Variants in TATDN2 observed in about 807,000 individuals in gnomAD.
TATDN2 encodes the protein 3'-5' RNA nuclease TATDN2.
Under a neutral mutation model 60.3 loss-of-function variants are expected in TATDN2, and 44 were observed. The observed-to-expected ratio is 0.73, with a 90% CI of 0.57 to 0.94. The LOEUF (loss-of-function observed/expected upper bound fraction) is 0.94, where lower values mean the gene tolerates loss of function less well. Ranked by LOEUF, TATDN2 falls within the 40% of genes least tolerant of loss-of-function variation. TATDN2 has a pLI of 0.00. For synonymous variants in TATDN2, 399 were observed against 355.8 expected, an observed-to-expected ratio of 1.12 and a Z score of -1.37; for missense variants, 997 against 948.0, an observed-to-expected ratio of 1.05 and a Z score of -0.68.
chr3:10,258,995 G>C (rs754682315), intron 2 of TATDN2, among the ~76,000 whole-genome samples: 1 of 152,032 alleles, frequency 6.6e-6, no homozygotes, highest in Non-Finnish European at 1.5e-5. Context: ...TTAGCCTCCC[G>C]TGTAGCTGGG....
In TATDN2 at chr3:10,270,336, A is replaced by T. The variant is rs942584202; in HGVS notation, c.1154A>T (p.Tyr385Phe). Residue 385 changes from tyrosine to phenylalanine, a missense_variant, in exon 4 of 8, where the codon TAT becomes TTT. Physicochemically the swap from Tyr to Phe is conservative, Grantham distance 22 (BLOSUM62 3). Transcript: ENST00000448281. ...YSSPWCDYASYWTSSPKPSSY... is the reference protein window; with the variant it reads ...YSSPWCDYASFWTSSPKPSSY... ...AGTCCTTGGTGTGACTACGCCAGCTATTGGACCAGCAGCCCCAAGCCTTCT... is the reference window on the plus strand; with the variant it reads ...AGTCCTTGGTGTGACTACGCCAGCTTTTGGACCAGCAGCCCCAAGCCTTCT... 1 of 1,614,100 alleles carries T rather than the reference A, an allele frequency of 6.2e-7. No homozygotes were observed. The highest frequency in any genetic ancestry group is 2.2e-5 in the East Asian group (1 of 44,868).
Position 10,270,265 on chromosome 3 carries a change from T to G in TATDN2, c.1083T>G (p.Ser361=), listed in dbSNP as rs145595744. The G allele has an allele frequency of 1.8e-5, 29 of 1,614,222 alleles. No individual in the cohort carries two copies. The highest frequency in any genetic ancestry group is 2.3e-5 in the Non-Finnish European group (27 of 1,180,046). ...SLKPSAVPEP[S]SFTTDYVMYP... is the part of the protein sequence containing the mutation. ...AACCTTCAGCCGTTCCGGAGCCTTC[T>G]TCCTTCACCACCGACTATGTCATGT... Residue 361 remains serine (S), a synonymous_variant, in exon 4 of 8, where the codon TCT becomes TCG. Transcript: ENST00000448281.
At chr3:10,260,789 T>G in intron 3 of TATDN2, 119 bp downstream of exon 3, 8 of 1,208,182 alleles carry the variant, frequency 6.6e-6, no homozygotes, top group Non-Finnish European at 9.1e-6. Flanking sequence ...TAACCAGGCC[T>G]CCAGGGAACA....
At chr3:10,277,138 C>T (rs2125182059) in intron 5 of TATDN2, among the ~76,000 whole-genome samples, 1 of 152,306 alleles carries the variant, frequency 6.6e-6, no homozygotes, top group Middle Eastern at 3.4e-3. Flanking sequence ...TGGCTTAGCA[C>T]ACAGAGCATC....
intron 3 of TATDN2, among the ~76,000 whole-genome samples, chr3:10,261,728 C>T (rs1357985885): frequency 6.6e-6 from 1 of 152,212 alleles, no homozygotes; most frequent in African/African-American, 2.4e-5. Flanking sequence ...GGCAGCTTCT[C>T]TCATCTTTAG....
intron 4 of TATDN2, among the ~76,000 whole-genome samples, chr3:10,272,657 A>T (rs1395497748): frequency 6.6e-6 from 1 of 152,148 alleles, no homozygotes; most frequent in Non-Finnish European, 1.5e-5. Flanking sequence ...TGGGAGGCCG[A>T]GGCAGGCGGA....
rs764390623 is a variant in TATDN2, at chr3:10,270,428, A to C, written c.1246A>C (p.Met416Leu). Residue 416 changes from methionine (M) to leucine (L), a missense_variant, in exon 4 of 8, where the codon ATG becomes CTG. Coordinates refer to ENST00000448281, the MANE Select transcript of TATDN2 (RefSeq NM_014760.4). ...AQVGKSSRSR[M>L]SDYSPNSTGS... is the part of the protein sequence containing the mutation. ...GGTTGGGAAGAGCAGCCGGAGCCGC[A>C]TGAGTGATTATTCCCCCAACTCTAC... is the stretch of plus-strand genomic sequence containing the variant. 1.2e-6 allele frequency: 2 copies of C among 1,614,220 alleles called. No individual in the cohort carries two copies. The highest frequency in any genetic ancestry group is 1.7e-6 in the Non-Finnish European group (2 of 1,180,044).
intron 2 of TATDN2, among the ~76,000 whole-genome samples, chr3:10,257,359 G>A (rs186193201): frequency 2.7e-3 from 401 of 147,726 alleles, no homozygotes; most frequent in Non-Finnish European, 4.7e-3. Context: ...GGCTGAGCGC[G>A]GTGGCTCACA....
intron 2 of TATDN2, among the ~76,000 whole-genome samples, chr3:10,251,759 A>G (rs933834913): frequency 2.0e-5 from 3 of 152,084 alleles, no homozygotes; most frequent in Non-Finnish European, 4.4e-5. Flanking sequence ...CAGTGGCGCA[A>G]TCATGTCTCA....
In TATDN2 at chr3:10,270,764, A is replaced by G. The variant is rs1165550070; in HGVS notation, c.1582A>G (p.Lys528Glu). Residue 528 changes from lysine (K) to glutamate (E), a missense_variant, in exon 4 of 8, where the codon AAG becomes GAG. Lys to Glu is a moderately conservative substitution (Grantham distance 56, BLOSUM62 1). Transcript: ENST00000448281. Reference sequence around the variant, plus strand: ...AAAAATTTACAGCAGCTCCTTCCCTAAGGAATTTCAGGGCTGCATCTCTGA... The same window carrying G: ...AAAAATTTACAGCAGCTCCTTCCCTGAGGAATTTCAGGGCTGCATCTCTGA... ...FRKIYSSSFP[K>E]EFQGCISDFC... 3.1e-6 allele frequency: 5 copies of G among 1,614,168 alleles called. No homozygotes were observed. The highest frequency in any genetic ancestry group is 4.2e-6 in the Non-Finnish European group (5 of 1,180,026).
At chr3:10,257,524 G>C (rs1010998500) in intron 2 of TATDN2, among the ~76,000 whole-genome samples, 6 of 147,342 alleles carry the variant, frequency 4.1e-5, no homozygotes, top group Non-Finnish European at 7.4e-5. Context: ...AGGTACTTGG[G>C]AGGCTGAGGC....
At chr3:10,250,794 G>A (rs560014854) in intron 2 of TATDN2, among the ~76,000 whole-genome samples, 1 of 152,200 alleles carries the variant, frequency 6.6e-6, no homozygotes, top group Non-Finnish European at 1.5e-5. Flanking sequence ...TCTCAAATCA[G>A]GTAAGTATGG....
At chr3:10,252,990 G>A (rs577764198) in intron 2 of TATDN2, among the ~76,000 whole-genome samples, 3 of 151,744 alleles carry the variant, frequency 2.0e-5, no homozygotes, top group Non-Finnish European at 2.9e-5. Flanking sequence ...CCCAGCAGCT[G>A]GGACTACAGG....
rs773392492 is a variant in TATDN2, at chr3:10,270,688, G to A, written c.1506G>A (p.Leu502=). Residue 502 remains leucine (L), a synonymous_variant, in exon 4 of 8, where the codon CTG becomes CTA. Coordinates refer to ENST00000448281, the MANE Select transcript of TATDN2 (RefSeq NM_014760.4). ...EEGFIDTHCH[L]DMLYSKLSFQ... ...GCTTCATTGACACTCATTGTCACCTGGACATGCTCTATTCCAAGCTATCTT... is the reference window on the plus strand; with the variant it reads ...GCTTCATTGACACTCATTGTCACCTAGACATGCTCTATTCCAAGCTATCTT... The A allele has an allele frequency of 2.5e-6, 4 of 1,614,176 alleles. No homozygotes were observed. Among genetic ancestry groups the A allele is most frequent in the Non-Finnish European group, 3.4e-6 (4 of 1,180,046 alleles).
chr3:10,252,492 C>G (rs1401921430), intron 2 of TATDN2, among the ~76,000 whole-genome samples: 2 of 152,122 alleles, frequency 1.3e-5, no homozygotes, highest in Non-Finnish European at 2.9e-5. Context: ...CTTGACTCAT[C>G]TTGATGAATT....
intron 2 of TATDN2, 87 bp from the exon 3 acceptor site, chr3:10,260,050 A>G: frequency 6.9e-7 from 1 of 1,451,000 alleles, no homozygotes; most frequent in Non-Finnish European, 9.3e-7. Context: ...GACTGGTAGA[A>G]CCACCACTGA....
In TATDN2 at chr3:10,270,332, A is replaced by T. The variant is rs1185283581; in HGVS notation, c.1150A>T (p.Ser384Cys). Reference sequence around the variant, plus strand: ...CAGTAGTCCTTGGTGTGACTACGCCAGCTATTGGACCAGCAGCCCCAAGCC... The same window carrying T: ...CAGTAGTCCTTGGTGTGACTACGCCTGCTATTGGACCAGCAGCCCCAAGCC... ...LYSSPWCDYA[S>C]YWTSSPKPSS... Residue 384 changes from serine (S) to cysteine (C), a missense_variant, in exon 4 of 8, where the codon AGC becomes TGC. Transcript: ENST00000448281. The T allele has an allele frequency of 6.2e-7, 1 of 1,614,152 alleles. No individual in the cohort carries two copies.
At position 10,248,461 on chromosome 3, in the gene TATDN2, C is replaced by T. The variant is rs1253735368; in HGVS notation, c.-613C>T. 6.6e-6 allele frequency: 1 copy of T among 152,116 alleles called. No individual in the cohort carries two copies. Among genetic ancestry groups the T allele is most frequent in the Non-Finnish European group, 1.5e-5 (1 of 67,988 alleles). 9.4% of individuals were successfully genotyped at this position (152,116 alleles called of 1,614,324 possible). ...CGTTTGGCGCAGGCCCCGCCCCTGTCGCTCTCCGGCCTGCGGGCCGCAGGG... is the reference window on the plus strand; with the variant it reads ...CGTTTGGCGCAGGCCCCGCCCCTGTTGCTCTCCGGCCTGCGGGCCGCAGGG... On this transcript the variant is annotated 5_prime_UTR_variant, in exon 1 of 8. Transcript: ENST00000448281.
chr3:10,281,121 T>G lies in TATDN2; in HGVS notation c.*1939T>G, dbSNP rs1698734087. Reference sequence around the variant, plus strand: ...ATTGTTTTTGATTCAGCTTTTTGGATGGCTAATTGTTTTCACTGTGCTGTG... The same window carrying G: ...ATTGTTTTTGATTCAGCTTTTTGGAGGGCTAATTGTTTTCACTGTGCTGTG... On this transcript the variant is annotated 3_prime_UTR_variant, in exon 8 of 8. Transcript: ENST00000448281. The G allele has an allele frequency of 2.0e-5, 3 of 152,248 alleles. No individual in the cohort carries two copies. Among genetic ancestry groups the G allele is most frequent in the Admixed American group, 6.5e-5 (1 of 15,284 alleles). The allele number at this position is 152,248 out of a possible 1,614,324, so 9.4% of individuals were successfully genotyped here. A position where few individuals can be genotyped will look rare whatever the true frequency, so the allele number is the denominator to read the frequency against.
Sources: gnomAD v4.1 joint callset for allele counts (sites outside exome capture counted in the v4.1 genomes callset) on GRCh38, gnomAD v4.1.1 for gene constraint, MANE v1.5 for transcripts, NCBI Gene and HGNC (gene_info 2026-07-23, HGNC 2026-07-21) for gene names.